Variants in ADD3 observed in about 807,000 individuals in gnomAD.
The protein encoded by ADD3 is gamma-adducin.
ADD3 carries 25 observed loss-of-function variants against 80.2 expected under a neutral mutation model. The observed-to-expected ratio is 0.31, with a 90% CI of 0.23 to 0.44. ADD3 has a LOEUF of 0.44. Ranked by LOEUF, ADD3 falls within the 20% of genes least tolerant of loss-of-function variation. The pLI, the probability that ADD3 is intolerant of heterozygous loss-of-function variation, is 1.00. For missense variants in ADD3, 829 were observed against 847.5 expected (o/e 0.98, Z 0.27); for synonymous variants, 284 against 289.6 (o/e 0.98, Z 0.20).
chr10:110,006,947 G>A (rs1001165036), upstream of ADD3, among the ~76,000 whole-genome samples: 1 of 152,096 alleles, frequency 6.6e-6, no homozygotes, highest in Admixed American at 6.5e-5. Flanking sequence ...CGCTCGGAGG[G>A]GTGTGCTTGC....
At chr10:110,116,007 A>G (rs1049277117) in intron 3 of ADD3, among the ~76,000 whole-genome samples, 4 of 152,212 alleles carry the variant, frequency 2.6e-5, no homozygotes, top group Non-Finnish European at 5.9e-5. Flanking sequence ...AGCCTTTGAT[A>G]TAGTCACTCC....
chr10:110,061,717 G>A (rs1589931471), intron 1 of ADD3, among the ~76,000 whole-genome samples: 1 of 152,086 alleles, frequency 6.6e-6, no homozygotes, highest in South Asian at 2.1e-4. Flanking sequence ...TAAATTTCTA[G>A]TCTGAGATAC....
At position 110,008,163 on chromosome 10, in the gene ADD3, C is replaced by T. The variant is rs1324493463; in HGVS notation, c.-166C>T. ...AGGTCCCTCCCTCCTCAAGCCCCCT[C>T]CCCTTCTCCCGCCCTACCCTCTGGG... On this transcript the variant is annotated 5_prime_UTR_variant, in exon 1 of 15. Transcript: ENST00000356080. 1.3e-5 allele frequency: 2 copies of T among 152,324 alleles called. No homozygotes were observed. Among genetic ancestry groups the T allele is most frequent in the African/African-American group, 2.4e-5 (1 of 41,476 alleles). The allele number at this position is 152,324 out of a possible 1,614,324, so 9.4% of individuals were successfully genotyped here. A position where few individuals can be genotyped will look rare whatever the true frequency, so the allele number is the denominator to read the frequency against.
intron 1 of ADD3, among the ~76,000 whole-genome samples, chr10:110,042,299 A>G (rs1856457780): frequency 6.6e-6 from 1 of 152,182 alleles, no homozygotes; most frequent in Non-Finnish European, 1.5e-5. Flanking sequence ...ATTCTGTTCT[A>G]TACTACTTGG....
intron 5 of ADD3, 93 bp downstream of exon 5, chr10:110,117,515 A>G (rs1850887453): frequency 2.7e-6 from 2 of 735,330 alleles, no homozygotes; most frequent in Non-Finnish European, 4.7e-6. Context: ...ATAAGAAGGT[A>G]TGGATGGAAA....
At chr10:110,030,972 G>A (rs1326603605) in intron 1 of ADD3, among the ~76,000 whole-genome samples, 1 of 151,278 alleles carries the variant, frequency 6.6e-6, no homozygotes, top group African/African-American at 2.4e-5. Context: ...CTTGAAAACA[G>A]GTGATAAAAA....
chr10:110,023,065 G>A (rs1206374546), intron 1 of ADD3, among the ~76,000 whole-genome samples: 1 of 152,180 alleles, frequency 6.6e-6, no homozygotes, highest in African/African-American at 2.4e-5. Context: ...TTGGTTGTGT[G>A]AAGAAAGTCA....
intron 1 of ADD3, among the ~76,000 whole-genome samples, chr10:110,059,853 A>G (rs866821009): frequency 2.0e-5 from 3 of 152,182 alleles, no homozygotes; most frequent in South Asian, 2.1e-4. Flanking sequence ...TCTTGCTACA[A>G]CCTGTTTATT....
chr10:110,045,858 G>A (rs1419893587), intron 1 of ADD3, among the ~76,000 whole-genome samples: 1 of 152,122 alleles, frequency 6.6e-6, no homozygotes, highest in Non-Finnish European at 1.5e-5. Context: ...TAATCATGTA[G>A]CCACCTCTTC....
At chr10:110,053,268 C>T (rs2133415048) in intron 1 of ADD3, among the ~76,000 whole-genome samples, 1 of 151,886 alleles carries the variant, frequency 6.6e-6, no homozygotes, top group African/African-American at 2.4e-5. Context: ...TTACATAATG[C>T]CAGTTTCTGC....
At chr10:110,102,614 A>T (rs1414511714) in intron 2 of ADD3, among the ~76,000 whole-genome samples, 1 of 152,178 alleles carries the variant, frequency 6.6e-6, no homozygotes, top group Non-Finnish European at 1.5e-5. Flanking sequence ...CTCAAAAAAA[A>T]TTTTAAAAGA....
intron 1 of ADD3, among the ~76,000 whole-genome samples, chr10:110,019,906 C>G (rs1853469459): frequency 6.6e-6 from 1 of 152,114 alleles, no homozygotes; most frequent in Non-Finnish European, 1.5e-5. Context: ...ACATCATTAC[C>G]CCAGGAGCTT....
At chr10:110,051,742 G>A (rs2133397909) in intron 1 of ADD3, among the ~76,000 whole-genome samples, 1 of 152,334 alleles carries the variant, frequency 6.6e-6, no homozygotes, top group South Asian at 2.1e-4. Flanking sequence ...CTAGGAAGGA[G>A]TTCAAGGTTG....
chr10:110,123,920 G>A lies in ADD3; in HGVS notation c.1144-97G>A. 11 of 1,242,816 alleles carry A rather than the reference G, an allele frequency of 8.9e-6. No individual in the cohort carries two copies. The South Asian group carries it at 1.6e-4, about 18-fold the overall frequency. 77.0% of individuals were successfully genotyped at this position (1,242,816 alleles called of 1,614,324 possible). A position where few individuals can be genotyped will look rare whatever the true frequency, so the allele number is the denominator to read the frequency against. ...CCTTTTTCTTTGTTTTTTAGCAAAGGAGTCTTTTAAATCATTTGTATACAA... is the reference window on the plus strand; with the variant it reads ...CCTTTTTCTTTGTTTTTTAGCAAAGAAGTCTTTTAAATCATTTGTATACAA... On this transcript the variant is annotated intron_variant, in intron 9 of 14. Coordinates refer to ENST00000356080, the MANE Select transcript of ADD3 (RefSeq NM_016824.5).
intron 1 of ADD3, among the ~76,000 whole-genome samples, chr10:110,090,094 A>C (rs867930907): frequency 2.0e-5 from 3 of 152,006 alleles, no homozygotes; most frequent in South Asian, 2.1e-4. Flanking sequence ...GTAGATCAAT[A>C]AAATATCCTT....
intron 1 of ADD3, chr10:110,076,937 T>G (rs1195378146): frequency 6.6e-6 from 1 of 152,202 alleles, no homozygotes; most frequent in African/African-American, 2.4e-5. Flanking sequence ...TAATGTGCAG[T>G]TTGCTCTCAC....
chr10:110,023,980 A>T (rs935550673), intron 1 of ADD3, among the ~76,000 whole-genome samples: 7 of 152,244 alleles, frequency 4.6e-5, no homozygotes, highest in African/African-American at 1.7e-4. Flanking sequence ...ACACGTGGAC[A>T]TAAAGACAGA....
intron 5 of ADD3, among the ~76,000 whole-genome samples, chr10:110,118,146 T>G (rs549484165): frequency 3.9e-5 from 6 of 152,158 alleles, no homozygotes; most frequent in African/African-American, 1.4e-4. Flanking sequence ...TTTTATCTTT[T>G]CCATGACTAC....
chr10:110,024,283 G>A (rs1854023206), intron 1 of ADD3, among the ~76,000 whole-genome samples: 1 of 152,124 alleles, frequency 6.6e-6, no homozygotes, highest in Non-Finnish European at 1.5e-5. Flanking sequence ...GTGCCATCTT[G>A]GTTTCCCCTT....
Sources: allele counts gnomAD v4.1 joint callset (sites outside exome capture counted in the v4.1 genomes callset), GRCh38; gene constraint gnomAD v4.1.1; transcripts MANE v1.5; gene names NCBI Gene and HGNC (gene_info 2026-07-23, HGNC 2026-07-21).